PDE2A: variants seen among roughly 807,000 people sequenced by gnomAD.
PDE2A encodes cGMP-dependent 3',5'-cyclic phosphodiesterase.
A neutral mutation model predicts 133.6 loss-of-function variants in PDE2A; 53 were observed. That is an observed-to-expected ratio of 0.40 (90% CI 0.32 to 0.50). The LOEUF is 0.50. Ranked by LOEUF, PDE2A falls within the 20% of genes least tolerant of loss-of-function variation. The pLI, the probability that PDE2A is intolerant of heterozygous loss-of-function variation, is 0.73. For synonymous variants in PDE2A, 491 were observed against 490.2 expected (o/e 1.00, Z -0.02); for missense variants, 796 against 1,232.4 (o/e 0.65, Z 5.30).
At position 72,674,226 on chromosome 11, in the gene PDE2A, T is replaced by C; in HGVS notation, c.-19A>G. ...GCCCCATCACTCCTCATCGTCCGCC[T>C]CCCCAGCCAGACTAAGGTGGCACCT... is the stretch of plus-strand genomic sequence containing the variant. On this transcript the variant is annotated 5_prime_UTR_variant, in exon 1 of 31. Transcript: ENST00000334456. The C allele has an allele frequency of 6.2e-7, 1 of 1,603,062 alleles. No individual in the cohort carries two copies. The highest frequency in any genetic ancestry group is 8.5e-7 in the Non-Finnish European group (1 of 1,177,530).
chr11:72,588,788 C>T lies in PDE2A; in HGVS notation c.1066G>A (p.Asp356Asn). 1 of 1,594,544 alleles carries T rather than the reference C, an allele frequency of 6.3e-7. No individual in the cohort carries two copies. Among genetic ancestry groups the T allele is most frequent in the Non-Finnish European group, 8.6e-7 (1 of 1,166,542 alleles). ...CATCATCCCACAAAGACTCACAAGT[C>T]TCCTTCTAGCTTGTTGAAGGCGCAG... ...LACAFNKLEG[D>N]LFTDEDEHVI... The change falls in exon 13 of 31, where the codon GAC becomes AAC. Residue 356 changes from aspartate (D) to asparagine (N), a missense_variant. Physicochemically the swap from Asp to Asn is conservative, Grantham distance 23. Transcript: ENST00000334456.
intron 6 of PDE2A, among the ~76,000 whole-genome samples, chr11:72,593,329 C>T (rs375796557): frequency 2.0e-5 from 3 of 152,102 alleles, no homozygotes; most frequent in East Asian, 1.9e-4. Flanking sequence ...ATGCACCTGG[C>T]GCCCCCATAC....
chr11:72,656,383 G>A (rs969534088), intron 1 of PDE2A, among the ~76,000 whole-genome samples: 2 of 152,276 alleles, frequency 1.3e-5, no homozygotes, highest in East Asian at 1.9e-4. Context: ...GGCTCGGGGG[G>A]GCCCTTGCCT....
At chr11:72,583,058 A>G (rs1053119989) in intron 20 of PDE2A, among the ~76,000 whole-genome samples, 2 of 152,212 alleles carry the variant, frequency 1.3e-5, no homozygotes, top group Admixed American at 1.3e-4. Context: ...AATGGGATAG[A>G]TTATCAGCAA....
chr11:72,668,974 G>A, intron 1 of PDE2A: 1 of 1,002,958 alleles, frequency 1.0e-6, no homozygotes, highest in Admixed American at 5.3e-5. Context: ...TGAAAGTGTG[G>A]CTGATCGTGG....
In PDE2A at chr11:72,581,960, G is replaced by C. The variant is rs1186870896; in HGVS notation, c.1852-13C>G. ...TGCTCAGGATGGCCTGGAGAGGGCA[G>C]AGGGAGGTATCAGAGGGGCTGCCAG... On this transcript the variant is annotated splice_polypyrimidine_tract_variant and intron_variant, in intron 21 of 30. Transcript: ENST00000334456. 1.2e-6 allele frequency: 2 copies of C among 1,612,244 alleles called. No individual in the cohort carries two copies. The highest frequency in any genetic ancestry group is 1.7e-6 in the Non-Finnish European group (2 of 1,178,444).
At chr11:72,659,216 A>G (rs878277) in intron 1 of PDE2A, 124,606 of 149,046 alleles carry the variant, frequency 0.84, 52,983 homozygotes, top group African/African-American at 0.94. Context: ...GTGAGGAGGC[A>G]GTCACAGACC....
At chr11:72,596,119 C>G (rs1856466111) in intron 6 of PDE2A, among the ~76,000 whole-genome samples, 1 of 152,202 alleles carries the variant, frequency 6.6e-6, no homozygotes, top group African/African-American at 2.4e-5. Context: ...CACACTATCT[C>G]TATTGGTCAG....
At chr11:72,657,707 G>A (rs1854936772) in intron 1 of PDE2A, 1 of 440,730 alleles carries the variant, frequency 2.3e-6, no homozygotes. Context: ...GCAGCCACTG[G>A]ACATAGGCGT....
chr11:72,577,162 G>A lies in PDE2A; in HGVS notation c.*222C>T. On this transcript the variant is annotated 3_prime_UTR_variant, in exon 31 of 31. Coordinates refer to ENST00000334456, the MANE Select transcript of PDE2A (RefSeq NM_002599.5). ...GGCCCACTGCTCATTGGTCACCCCT[G>A]TGCTCTCAGAAAACAAATTACAAAG... 5.3e-6 allele frequency: 3 copies of A among 567,914 alleles called. No homozygotes were observed. Among genetic ancestry groups the A allele is most frequent in the South Asian group, 4.7e-5 (2 of 42,862 alleles). 35.2% of individuals were successfully genotyped at this position (567,914 alleles called of 1,614,324 possible). A position where few individuals can be genotyped will look rare whatever the true frequency, so the allele number is the denominator to read the frequency against.
At chr11:72,644,809 C>T (rs764430210) in intron 1 of PDE2A, among the ~76,000 whole-genome samples, 4 of 151,934 alleles carry the variant, frequency 2.6e-5, no homozygotes, top group Non-Finnish European at 5.9e-5. Flanking sequence ...CAGGCTGGAG[C>T]GCAGTGGCGC....
chr11:72,616,577 G>A, intron 2 of PDE2A, among the ~76,000 whole-genome samples: 1 of 152,214 alleles, frequency 6.6e-6, no homozygotes, highest in East Asian at 1.9e-4. Context: ...GGGGTGTGGA[G>A]GAAGGATCTA....
At chr11:72,659,488 G>A (rs1022085063) in intron 1 of PDE2A, 1 of 151,768 alleles carries the variant, frequency 6.6e-6, no homozygotes, top group African/African-American at 2.4e-5. Context: ...TGAGGTGTGT[G>A]CTCTAAAAAT....
intron 5 of PDE2A, 49 bp from the exon 6 acceptor site, chr11:72,596,697 A>G: frequency 7.8e-7 from 1 of 1,286,262 alleles, no homozygotes; most frequent in Non-Finnish European, 1.0e-6. Context: ...GGCGAGGCTC[A>G]GAGATACCGA....
At chr11:72,673,360 C>T (rs1855425480) in intron 1 of PDE2A, among the ~76,000 whole-genome samples, 1 of 151,470 alleles carries the variant, frequency 6.6e-6, no homozygotes, top group African/African-American at 2.4e-5. Context: ...CTCTACAGGC[C>T]CCTCTACACC....
At chr11:72,669,289 G>C (rs1320697173) in intron 1 of PDE2A, among the ~76,000 whole-genome samples, 1 of 152,102 alleles carries the variant, frequency 6.6e-6, no homozygotes, top group East Asian at 1.9e-4. Flanking sequence ...CAGAAATCCA[G>C]GGTCCACACA....
chr11:72,639,530 G>C (rs1365817976), intron 2 of PDE2A, among the ~76,000 whole-genome samples: 2 of 152,078 alleles, frequency 1.3e-5, no homozygotes, highest in African/African-American at 4.8e-5. Flanking sequence ...ACACCACCCA[G>C]GCCTCACTGC....
chr11:72,622,179 T>TA (rs35562683), intron 2 of PDE2A, among the ~76,000 whole-genome samples: 124,960 of 151,830 alleles, frequency 0.82, 51,901 homozygotes, highest in Middle Eastern at 0.87. Context: ...TGGCTACCAT[T>TA]AAAAAATAAA....
intron 6 of PDE2A, 77 bp downstream of exon 6, chr11:72,596,516 A>ACACACACC (rs1856496060): frequency 4.7e-6 from 3 of 644,924 alleles, no homozygotes; most frequent in African/African-American, 4.0e-5. Context: ...ACACACACAC[A>ACACACACC]CCCTGGACAG....
Sources: allele counts gnomAD v4.1 joint callset (sites outside exome capture counted in the v4.1 genomes callset), GRCh38; gene constraint gnomAD v4.1.1; transcripts MANE v1.5; gene names NCBI Gene and HGNC (gene_info 2026-07-23, HGNC 2026-07-21).